The following AXIN1 variants were observed in gnomAD, a reference collection of about 807,000 sequenced individuals.
AXIN1 encodes the protein axin 1.
A neutral mutation model predicts 76.4 loss-of-function variants in AXIN1; 30 were observed. That is an observed-to-expected ratio of 0.39 (90% CI 0.29 to 0.53). The LOEUF (loss-of-function observed/expected upper bound fraction) is 0.53. Ranked by LOEUF, AXIN1 falls within the 20% of genes least tolerant of loss-of-function variation. The pLI is 0.66. For missense variants in AXIN1, 1,140 were observed against 1,198.8 expected (o/e 0.95, Z 0.72); for synonymous variants, 545 against 501.4 (o/e 1.09, Z -1.16).
At chr16:291,095 C>A (rs2052544714) in intron 9 of AXIN1, 95 bp downstream of exon 9, 5 of 1,230,446 alleles carry the variant, frequency 4.1e-6, no homozygotes. Context: ...GGTACCCGAG[C>A]TCAAGCCCCG....
intron 2 of AXIN1, among the ~76,000 whole-genome samples, chr16:320,390 C>T (rs996907120): frequency 1.3e-5 from 2 of 152,212 alleles, no homozygotes; most frequent in Middle Eastern, 6.8e-3. Context: ...GGGGTAAATG[C>T]TTTAAAAGGA....
intron 5 of AXIN1, among the ~76,000 whole-genome samples, 173 bp from the exon 6 acceptor site, chr16:298,424 T>C (rs892319596): frequency 6.6e-6 from 1 of 152,240 alleles, no homozygotes; most frequent in South Asian, 2.1e-4. Context: ...GGACGGGGCA[T>C]AGACAGAAGG....
chr16:331,790 G>C (rs2141657505), intron 2 of AXIN1, among the ~76,000 whole-genome samples: 1 of 152,318 alleles, frequency 6.6e-6, no homozygotes, highest in South Asian at 2.1e-4. Flanking sequence ...TCCAAGCAAA[G>C]GTGCAAGCCT....
At chr16:338,362 C>T (rs1489980735) in intron 2 of AXIN1, among the ~76,000 whole-genome samples, 1 of 152,230 alleles carries the variant, frequency 6.6e-6, no homozygotes, top group African/African-American at 2.4e-5. Flanking sequence ...AGGTCAGCAC[C>T]AGCACCAGGG....
At chr16:341,810 A>G (rs566458672) in intron 2 of AXIN1, among the ~76,000 whole-genome samples, 2 of 152,366 alleles carry the variant, frequency 1.3e-5, no homozygotes, top group Non-Finnish European at 2.9e-5. Context: ...CACACCAATC[A>G]GCACTCTGTG....
At chr16:315,779 G>A (rs944308538) in intron 2 of AXIN1, among the ~76,000 whole-genome samples, 1 of 146,046 alleles carries the variant, frequency 6.8e-6, no homozygotes, top group African/African-American at 2.5e-5. Flanking sequence ...AGTAAGCTGA[G>A]ATCACGCCAC....
chr16:347,223 A>C, intron 1 of AXIN1, 117 bp from the exon 2 acceptor site: 1 of 906,402 alleles, frequency 1.1e-6, no homozygotes, highest in Non-Finnish European at 1.6e-6. Context: ...CAAAGCAAGA[A>C]ACTCAGTTTA....
At chr16:351,845 T>C (rs1317338460) in intron 1 of AXIN1, among the ~76,000 whole-genome samples, 5 of 152,146 alleles carry the variant, frequency 3.3e-5, no homozygotes, top group Non-Finnish European at 5.9e-5. Context: ...AAAGTTTCAC[T>C]GCTCGGGCAG....
At chr16:352,329 T>G in intron 1 of AXIN1, 40 bp downstream of exon 1, 1 of 972,590 alleles carries the variant, frequency 1.0e-6, no homozygotes, top group Non-Finnish European at 1.2e-6. Context: ...CCGCCCGGCC[T>G]ACCGCGGCCT....
intron 2 of AXIN1, among the ~76,000 whole-genome samples, chr16:326,516 A>G (rs902178892): frequency 3.3e-5 from 5 of 151,528 alleles, no homozygotes; most frequent in Admixed American, 2.0e-4. Context: ...TGGGAGGCCA[A>G]GGCGGGCGGA....
At chr16:328,274 T>C (rs932134217) in intron 2 of AXIN1, among the ~76,000 whole-genome samples, 1 of 151,944 alleles carries the variant, frequency 6.6e-6, no homozygotes, top group African/African-American at 2.4e-5. Context: ...GCACCTGTGG[T>C]CCCAGCTACT....
intron 5 of AXIN1, among the ~76,000 whole-genome samples, chr16:301,257 C>A (rs1027221972): frequency 6.9e-5 from 10 of 145,942 alleles, no homozygotes; most frequent in Non-Finnish European, 1.2e-4. Flanking sequence ...GGCGACAGAG[C>A]GAGACTCTGC....
At chr16:298,374 G>A in intron 5 of AXIN1, 123 bp from the exon 6 acceptor site, 5 of 1,272,468 alleles carry the variant, frequency 3.9e-6, no homozygotes, top group South Asian at 1.3e-5. Flanking sequence ...GTGGCCGGGG[G>A]CCCCTCGCCA....
chr16:301,523 G>A (rs1022963953), intron 5 of AXIN1, among the ~76,000 whole-genome samples: 2 of 152,158 alleles, frequency 1.3e-5, no homozygotes, highest in African/African-American at 4.8e-5. Flanking sequence ...AGGCACGGTG[G>A]CTCGTGCCTG....
chr16:325,752 A>C (rs916441374), intron 2 of AXIN1, among the ~76,000 whole-genome samples: 2 of 152,206 alleles, frequency 1.3e-5, no homozygotes, highest in Admixed American at 1.3e-4. Flanking sequence ...CCAACACGGC[A>C]CCTTGCTCTG....
At chr16:305,540 G>GT (rs2052996154) in intron 4 of AXIN1, among the ~76,000 whole-genome samples, 3 of 151,922 alleles carry the variant, frequency 2.0e-5, no homozygotes, top group African/African-American at 4.8e-5. Flanking sequence ...GTTTGTTTTT[G>GT]GTTTTTTTTG....
chr16:320,721 GTGTATATATA>G (rs1410686320), intron 2 of AXIN1, among the ~76,000 whole-genome samples: 2 of 120,172 alleles, frequency 1.7e-5, no homozygotes, highest in Non-Finnish European at 3.3e-5. Flanking sequence ...ATGCGTGTGT[GTGTATATATA>G]TATATATATA....
At chr16:289,753 C>G in intron 9 of AXIN1, 146 bp from the exon 10 acceptor site, 1 of 968,156 alleles carries the variant, frequency 1.0e-6, no homozygotes, top group Non-Finnish European at 1.6e-6. Context: ...GCCCGCAGCC[C>G]CCGCACAGCA....
At chr16:308,073 C>T (rs774482758) in intron 4 of AXIN1, among the ~76,000 whole-genome samples, 1 of 152,188 alleles carries the variant, frequency 6.6e-6, no homozygotes, top group Non-Finnish European at 1.5e-5. Context: ...CACACAGAAA[C>T]GCACACTGCG....
Sources: gnomAD v4.1 joint callset for allele counts (sites outside exome capture counted in the v4.1 genomes callset) on GRCh38, gnomAD v4.1.1 for gene constraint, MANE v1.5 for transcripts, NCBI Gene and HGNC (gene_info 2026-07-23, HGNC 2026-07-21) for gene names.